Variants in OTOGL observed in about 807,000 individuals in gnomAD.
The protein encoded by OTOGL is otogelin-like protein.
A neutral mutation model predicts 318.5 loss-of-function variants in OTOGL; 285 were observed. The ratio of observed to expected loss-of-function variants is 0.89; its 90% confidence interval spans 0.81 to 0.99. OTOGL has a LOEUF of 0.99. Ranked by LOEUF, OTOGL falls within the 50% of genes least tolerant of loss-of-function variation. OTOGL has a pLI of 0.00. For missense variants in OTOGL, 2,899 were observed against 2,845.6 expected (o/e 1.02, Z -0.43); for synonymous variants, 987 against 936.5 (o/e 1.05, Z -0.99).
chr12:80,171,563 G>C (rs1874207951), intron 1 of OTOGL, among the ~76,000 whole-genome samples: 1 of 151,944 alleles, frequency 6.6e-6, no homozygotes, highest in Non-Finnish European at 1.5e-5. Flanking sequence ...ATACTGTTTT[G>C]ATCACTGTAG....
rs566506426 is a variant in OTOGL at position 80,352,060 on chromosome 12, C to A, written c.5266-235C>A. On this transcript the variant is annotated intron_variant, in intron 44 of 58. Transcript: ENST00000547103. The stretch of plus-strand genomic sequence containing the variant: ...TGCTTGGCTCCACATACTCTGTTTT[C>A]TTTTCCATCTTTATAAGAAAGATTT... Among the ~76,000 whole-genome samples the A allele has an allele frequency of 4.6e-5, 7 of 152,224 alleles. No homozygotes were observed. In the South Asian group the frequency reaches 6.2e-4, roughly 14 times the overall value.
chr12:80,285,058 G>GGT (rs1884509083), intron 26 of OTOGL, among the ~76,000 whole-genome samples: 1 of 152,006 alleles, frequency 6.6e-6, no homozygotes, highest in African/African-American at 2.4e-5. Flanking sequence ...TTTTGTATAA[G>GGT]GTGTAAGGAA....
intron 19 of OTOGL, among the ~76,000 whole-genome samples, chr12:80,263,159 A>T (rs894291699): frequency 6.6e-6 from 1 of 152,136 alleles, no homozygotes; most frequent in African/African-American, 2.4e-5. Context: ...ATCTATAATA[A>T]CACGGCTAGA....
At position 80,374,927 on chromosome 12, in the gene OTOGL, T is replaced by C. The variant is rs571582202; in HGVS notation, c.6782-2196T>C. Reference sequence around the variant, plus strand: ...ACAGTTCTGGAAGGCAGGTATGTTTTCCCTACAGATGAGAAATAGAAGGTT... The same window carrying C: ...ACAGTTCTGGAAGGCAGGTATGTTTCCCCTACAGATGAGAAATAGAAGGTT... On this transcript the variant is annotated intron_variant, in intron 57 of 58. Transcript: ENST00000547103. Among the ~76,000 whole-genome samples the C allele has an allele frequency of 8.5e-5, 13 of 152,266 alleles. No individual in the cohort carries two copies. The East Asian group carries it at 2.3e-3, about 27-fold the overall frequency.
intron 1 of OTOGL, among the ~76,000 whole-genome samples, chr12:80,159,082 T>C (rs1256884312): frequency 6.6e-6 from 1 of 152,136 alleles, no homozygotes; most frequent in Non-Finnish European, 1.5e-5. Context: ...CTGTGATGAT[T>C]GAGATGATCA....
At chr12:80,150,727 A>C (rs1872733650) in intron 1 of OTOGL, among the ~76,000 whole-genome samples, 1 of 152,244 alleles carries the variant, frequency 6.6e-6, no homozygotes, top group Non-Finnish European at 1.5e-5. Context: ...CCCTTTCCCC[A>C]GGAAGATGTA....
At chr12:80,200,277 A>G (rs551438054) in intron 1 of OTOGL, among the ~76,000 whole-genome samples, 3 of 152,198 alleles carry the variant, frequency 2.0e-5, no homozygotes, top group Non-Finnish European at 4.4e-5. Flanking sequence ...CAATTTCCTA[A>G]GATGTGAAAT....
At chr12:80,265,722 C>G (rs922475784) in intron 20 of OTOGL, 4 of 162,936 alleles carry the variant, frequency 2.5e-5, no homozygotes, top group Admixed American at 5.8e-5. Context: ...CAGCACCCCT[C>G]CAGACCCATT....
At chr12:80,100,804 A>G (rs1869092214) in intron 1 of OTOGL, among the ~76,000 whole-genome samples, 1 of 152,314 alleles carries the variant, frequency 6.6e-6, no homozygotes, top group Non-Finnish European at 1.5e-5. Context: ...ATTCATCTTA[A>G]TGAATAAATC....
At chr12:80,169,146 C>G (rs1874023140) in intron 1 of OTOGL, among the ~76,000 whole-genome samples, 1 of 152,172 alleles carries the variant, frequency 6.6e-6, no homozygotes, top group African/African-American at 2.4e-5. Context: ...GCAGAAGATA[C>G]TACTATTGGC....
In OTOGL at chr12:80,333,026, C is replaced by T. The variant is rs751024664; in HGVS notation, c.4370C>T (p.Ser1457Leu). Residue 1457 changes from serine to leucine, a missense_variant, in exon 38 of 59, where the codon TCA (serine) becomes TTA (leucine). Coordinates refer to ENST00000547103, the MANE Select transcript of OTOGL (RefSeq NM_001378609.3). ...ACAGTTTGGGAAATGATTACTCCAT[C>T]AGACATCACTGTGTTTGATATGCTA... ...MFTVWEMITP[S>L]DITVFDMLTP... 9 of 1,599,748 alleles carry T rather than the reference C, an allele frequency of 5.6e-6. No individual in the cohort carries two copies. The highest frequency in any genetic ancestry group is 6.8e-6 in the Non-Finnish European group (8 of 1,172,080).
intron 16 of OTOGL, among the ~76,000 whole-genome samples, chr12:80,255,722 T>G (rs763220147): frequency 6.6e-6 from 1 of 151,978 alleles, no homozygotes; most frequent in Non-Finnish European, 1.5e-5. Flanking sequence ...AATTTCTAAA[T>G]AAAGAAATCT....
intron 36 of OTOGL, 129 bp from the exon 37 acceptor site, chr12:80,328,922 C>T (rs544202495): frequency 9.9e-7 from 1 of 1,011,864 alleles, no homozygotes; most frequent in Non-Finnish European, 1.4e-6. Context: ...TGTAGATCTT[C>T]CACTAACATC....
rs1255171090 is a variant in OTOGL at position 80,206,691 on chromosome 12, T to G, written c.-19-2722T>G. 2.6e-5 allele frequency among the ~76,000 whole-genome samples: 4 copies of G among 151,714 alleles called. No homozygotes were observed. The South Asian group carries it at 8.3e-4, about 32-fold the overall frequency. ...TGCCCAGCTAATTGTTTTGTATTTT[T>G]TTTTTTTTTTGTAGAGGCAGAGTTT... is the stretch of plus-strand genomic sequence containing the variant. On this transcript the variant is annotated intron_variant, in intron 1 of 58. Transcript: ENST00000547103.
At chr12:80,174,938 C>A (rs1310653588) in intron 1 of OTOGL, among the ~76,000 whole-genome samples, 3 of 149,808 alleles carry the variant, frequency 2.0e-5, no homozygotes, top group Non-Finnish European at 1.5e-5. Context: ...GGTAAACAAA[C>A]AAAAAAAAAC....
Position 80,209,520 on chromosome 12 carries a change from C to G in OTOGL, c.79+10C>G, listed in dbSNP as rs1316012437. On this transcript the variant is annotated intron_variant, in intron 2 of 58. Coordinates refer to ENST00000547103, the MANE Select transcript of OTOGL (RefSeq NM_001378609.3). ...CTGTTTTCATTACAAGGTAAGAACT[C>G]AGATTAAATTTTTATGTTAATTTAT... 7.0e-7 allele frequency: 1 copy of G among 1,430,180 alleles called. No homozygotes were observed. The highest frequency in any genetic ancestry group is 9.4e-7 in the Non-Finnish European group (1 of 1,058,650). The allele number at this position is 1,430,180 out of a possible 1,614,324, so 88.6% of individuals were successfully genotyped here. A position where few individuals can be genotyped will look rare whatever the true frequency, so the allele number is the denominator to read the frequency against.
chr12:80,353,275 TA>T, intron 45 of OTOGL, 49 bp from the exon 46 acceptor site: 1 of 1,239,474 alleles, frequency 8.1e-7, no homozygotes, highest in Non-Finnish European at 1.0e-6. Flanking sequence ...TACTAGAATT[TA>T]AATAAGTTAC....
At position 80,355,756 on chromosome 12, in the gene OTOGL, C is replaced by G. The variant is rs1445267627; in HGVS notation, c.5614C>G (p.Gln1872Glu). 1.2e-6 allele frequency: 2 copies of G among 1,613,190 alleles called. No homozygotes were observed. Among genetic ancestry groups the G allele is most frequent in the Admixed American group, 3.3e-5 (2 of 59,904 alleles). Residue 1872 changes from glutamine (Q) to glutamate (E), a missense_variant, in exon 47 of 59, where the codon CAA (glutamine) becomes GAA (glutamate). This residue lies in a region of OTOGL where 2,607 missense variants were observed against 2,524.9 expected (regional missense o/e 1.03). Coordinates refer to ENST00000547103, the MANE Select transcript of OTOGL (RefSeq NM_001378609.3). The part of the protein sequence containing the change: ...KECACTDSED[Q>E]PRTAGEIWNG... ...TTAAGCATGCACTGATAGTGAAGACCAACCCCGCACTGCTGGGGAGATTTG... is the reference window on the plus strand; with the variant it reads ...TTAAGCATGCACTGATAGTGAAGACGAACCCCGCACTGCTGGGGAGATTTG...
At chr12:80,128,376 T>C (rs1378617944) in intron 1 of OTOGL, among the ~76,000 whole-genome samples, 3 of 152,200 alleles carry the variant, frequency 2.0e-5, no homozygotes, top group Non-Finnish European at 2.9e-5. Flanking sequence ...ACAGCAAATG[T>C]TGCTGCCTGA....
Sources: allele counts gnomAD v4.1 joint callset (sites outside exome capture counted in the v4.1 genomes callset), GRCh38; gene constraint gnomAD v4.1.1; regional missense constraint gnomAD v4.1.1; transcripts MANE v1.5; gene names NCBI Gene and HGNC (gene_info 2026-07-23, HGNC 2026-07-21).